ZDHHC21: variants seen among roughly 807,000 people sequenced by gnomAD.
The protein encoded by ZDHHC21 is zDHHC palmitoyltransferase 21.
A neutral mutation model predicts 34.6 loss-of-function variants in ZDHHC21; 15 were observed. The ratio of observed to expected loss-of-function variants is 0.43; its 90% CI spans 0.29 to 0.67. The LOEUF (loss-of-function observed/expected upper bound fraction) is 0.67. Among genes scored for constraint, ZDHHC21 ranks in the 30% least tolerant of loss-of-function variants. ZDHHC21 has a pLI of 0.14. For missense variants in ZDHHC21, 344 were observed against 327.7 expected (o/e 1.05, Z -0.38); for synonymous variants, 142 against 101.8 (o/e 1.40, Z -2.38).
chr9:14,626,291 G>A (rs1826193670), intron 8 of ZDHHC21, among the ~76,000 whole-genome samples: 2 of 152,014 alleles, frequency 1.3e-5, no homozygotes, highest in South Asian at 2.1e-4. Flanking sequence ...GCTTTCTGCA[G>A]TCCTATGTTT....
At chr9:14,603,395 A>T in the ZDHHC21 span, among the ~76,000 whole-genome samples, 5 of 152,166 alleles carry the variant, frequency 3.3e-5, no homozygotes, top group Admixed American at 3.3e-4. Context: ...TGAAATTTTT[A>T]AGATAACCAC....
intron 7 of ZDHHC21, among the ~76,000 whole-genome samples, chr9:14,640,992 AAAC>A (rs1829277918): frequency 6.6e-6 from 1 of 152,200 alleles, no homozygotes; most frequent in Non-Finnish European, 1.5e-5. Flanking sequence ...CTGTGGAATA[AAAC>A]AACCACAGAA....
In ZDHHC21 at chr9:14,616,778, T is replaced by C. The variant is rs1241847383; in HGVS notation, c.*2188A>G. 6.6e-6 allele frequency: 1 copy of C among 151,852 alleles called. No individual in the cohort carries two copies. The highest frequency in any genetic ancestry group is 1.5e-5 in the Non-Finnish European group (1 of 67,850). The allele number at this position is 151,852 out of a possible 1,614,324, so 9.4% of individuals were successfully genotyped here. A position where few individuals can be genotyped will look rare whatever the true frequency, so the allele number is the denominator to read the frequency against. Reference sequence around the variant, plus strand: ...GATAGATAGCATTTCTGCATTCAAATAAAATAAGTGTATGCTTTTCTAGTA... The same window carrying C: ...GATAGATAGCATTTCTGCATTCAAACAAAATAAGTGTATGCTTTTCTAGTA... On this transcript the variant is annotated 3_prime_UTR_variant, in exon 10 of 10. Transcript: ENST00000380916.
In ZDHHC21 at chr9:14,674,348, T is replaced by A; in HGVS notation, c.-8A>T. 5 of 1,587,462 alleles carry A rather than the reference T, an allele frequency of 3.1e-6. No homozygotes were observed. The highest frequency in any genetic ancestry group is 4.3e-6 in the Non-Finnish European group (5 of 1,169,816). On this transcript the variant is annotated 5_prime_UTR_variant, in exon 4 of 10. Transcript: ENST00000380916. Reference sequence around the variant, plus strand: ...GTGAATCCGGAGACCCATTTTGCAATCTTATAACTGCCTGCTAACCCACAA... The same window carrying A: ...GTGAATCCGGAGACCCATTTTGCAAACTTATAACTGCCTGCTAACCCACAA...
chr9:14,657,328 T>G (rs899792639), intron 7 of ZDHHC21, among the ~76,000 whole-genome samples: 8 of 152,156 alleles, frequency 5.3e-5, no homozygotes, highest in Admixed American at 2.6e-4. Flanking sequence ...ACCAGCTAAG[T>G]TTACATATAT....
chr9:14,619,881 T>C (rs1356193850), intron 8 of ZDHHC21, among the ~76,000 whole-genome samples, 199 bp from the exon 9 acceptor site: 5 of 82,900 alleles, frequency 6.0e-5, no homozygotes, highest in East Asian at 6.6e-4. Context: ...CATTATACTA[T>C]GCAAAAAAAA....
chr9:14,670,772 AAC>A (rs1307162542), intron 5 of ZDHHC21, among the ~76,000 whole-genome samples: 5 of 152,120 alleles, frequency 3.3e-5, no homozygotes, highest in African/African-American at 1.2e-4. Flanking sequence ...ATGTTTAGGG[AAC>A]AGAGGAGAAA....
intron 8 of ZDHHC21, among the ~76,000 whole-genome samples, chr9:14,639,658 G>A (rs749315814): frequency 6.6e-5 from 10 of 151,870 alleles, no homozygotes; most frequent in Non-Finnish European, 1.2e-4. Context: ...AACTATAAAC[G>A]TGATGTCTAT....
At chr9:14,679,665 C>G (rs142513465) in intron 3 of ZDHHC21, among the ~76,000 whole-genome samples, 3 of 152,096 alleles carry the variant, frequency 2.0e-5, no homozygotes, top group Non-Finnish European at 4.4e-5. Flanking sequence ...CTAAGAGACA[C>G]TAAACTTACA....
the ZDHHC21 span, among the ~76,000 whole-genome samples, chr9:14,592,770 T>C: frequency 1.3e-5 from 2 of 152,110 alleles, no homozygotes; most frequent in African/African-American, 4.8e-5. Flanking sequence ...TGCTAATCCA[T>C]AAAATAAATC....
chr9:14,658,179 T>C lies in ZDHHC21; in HGVS notation c.504+570A>G, dbSNP rs549356565. Among the ~76,000 whole-genome samples, 18 of 152,316 alleles carry C rather than the reference T, an allele frequency of 1.2e-4. No individual in the cohort carries two copies. The South Asian group carries it at 3.3e-3, about 28-fold the overall frequency. ...ATTTTGTCTTTGTTTTTCATTATTGTAGATATTTTTAAACCAAGACACACG... is the reference window on the plus strand; with the variant it reads ...ATTTTGTCTTTGTTTTTCATTATTGCAGATATTTTTAAACCAAGACACACG... On this transcript the variant is annotated intron_variant, in intron 7 of 9. Coordinates refer to ENST00000380916, the MANE Select transcript of ZDHHC21 (RefSeq NM_178566.6).
the ZDHHC21 span, among the ~76,000 whole-genome samples, chr9:14,598,256 T>C: frequency 6.6e-6 from 1 of 152,128 alleles, no homozygotes; most frequent in African/African-American, 2.4e-5. Flanking sequence ...CTAGCTCACC[T>C]GGTGTCCTCA....
chr9:14,683,950 C>T (rs139439336), intron 2 of ZDHHC21, among the ~76,000 whole-genome samples: 1 of 152,144 alleles, frequency 6.6e-6, no homozygotes. Flanking sequence ...AAGACAAAAA[C>T]CACACGGTTA....
intron 2 of ZDHHC21, among the ~76,000 whole-genome samples, chr9:14,685,112 C>A (rs1359606812): frequency 6.6e-6 from 1 of 151,780 alleles, no homozygotes; most frequent in African/African-American, 2.4e-5. Context: ...AGAAGAAAAC[C>A]TAGGCAATAC....
At chr9:14,682,168 A>T (rs1035908743) in intron 2 of ZDHHC21, among the ~76,000 whole-genome samples, 37 of 152,348 alleles carry the variant, frequency 2.4e-4, no homozygotes, top group African/African-American at 7.9e-4. Flanking sequence ...TCATAATGAC[A>T]GGATCAAATT....
intron 7 of ZDHHC21, among the ~76,000 whole-genome samples, chr9:14,651,703 T>G (rs1831272095): frequency 6.6e-6 from 1 of 151,998 alleles, no homozygotes; most frequent in African/African-American, 2.4e-5. Context: ...TCCTTCATAT[T>G]TAATTGAAAA....
intron 1 of ZDHHC21, among the ~76,000 whole-genome samples, chr9:14,691,786 ATGGAATTATACATTTTAACTTATATTTT>A (rs1449969273): frequency 2.0e-5 from 3 of 152,236 alleles, no homozygotes. Context: ...CAAAACAATT[ATGGAATTATACATTTTAACTTATATTTT>A]CATATTTTAC....
intron 8 of ZDHHC21, chr9:14,622,780 T>C (rs192276336): frequency 2.4e-4 from 229 of 973,246 alleles, no homozygotes; most frequent in Admixed American, 5.5e-4. Flanking sequence ...CTGGACCTGT[T>C]TAACCCTGCA....
the ZDHHC21 span, among the ~76,000 whole-genome samples, chr9:14,605,630 C>A: frequency 0.37 from 55,819 of 151,964 alleles, 10,506 homozygotes; most frequent in Middle Eastern, 0.42. Context: ...TTCTCCCATT[C>A]GATAGACTGC....
Sources: allele counts gnomAD v4.1 joint callset (sites outside exome capture counted in the v4.1 genomes callset), GRCh38; gene constraint gnomAD v4.1.1; transcripts MANE v1.5; gene names NCBI Gene and HGNC (gene_info 2026-07-23, HGNC 2026-07-21).